The following MTUS2 variants were observed in gnomAD, a reference collection of about 807,000 sequenced individuals.
MTUS2 encodes the protein microtubule-associated tumor suppressor candidate 2.
A neutral mutation model predicts 114.1 loss-of-function variants in MTUS2; 40 were observed. The ratio of observed to expected loss-of-function variants is 0.35; its 90% CI spans 0.27 to 0.46. The LOEUF is 0.46. Ranked by LOEUF, MTUS2 falls within the 20% of genes least tolerant of loss-of-function variation. The probability of loss-of-function intolerance (pLI) is 1.00; values close to 1 mark genes in which losing one functional copy is unlikely to be tolerated. For missense variants in MTUS2, 1,679 were observed against 1,705.4 expected (o/e 0.98, Z 0.27); for synonymous variants, 688 against 672.0 (o/e 1.02, Z -0.37).
intron 5 of MTUS2, among the ~76,000 whole-genome samples, chr13:29,141,514 T>C (rs1892219191): frequency 2.6e-5 from 4 of 152,158 alleles, no homozygotes; most frequent in African/African-American, 9.7e-5. Flanking sequence ...CCCCAGGAGA[T>C]GGGTCATAGA....
chr13:29,127,520 G>T (rs1034792784), intron 5 of MTUS2, among the ~76,000 whole-genome samples: 8 of 152,190 alleles, frequency 5.3e-5, no homozygotes, highest in African/African-American at 1.9e-4. Context: ...TGAAGAGAAA[G>T]AAATTGTGCC....
chr13:29,182,603 AGAGAG>A (rs944889798), intron 5 of MTUS2, among the ~76,000 whole-genome samples: 4 of 152,214 alleles, frequency 2.6e-5, no homozygotes, highest in Admixed American at 6.5e-5. Context: ...AGGATACATC[AGAGAG>A]AAGAGAGGAA....
At chr13:29,452,570 ATATATGTGTGTGTGTGTGTGTG>A (rs1352922739) in intron 9 of MTUS2, among the ~76,000 whole-genome samples, 5 of 131,182 alleles carry the variant, frequency 3.8e-5, no homozygotes, top group African/African-American at 1.2e-4. Context: ...ATATATATAT[ATATATGTGTGTGTGTGTGTGTG>A]TGTGTGTGTG....
intron 2 of MTUS2, among the ~76,000 whole-genome samples, chr13:28,991,649 T>G (rs1191483310): frequency 6.6e-6 from 1 of 152,220 alleles, no homozygotes; most frequent in Non-Finnish European, 1.5e-5. Flanking sequence ...ATTACAGGCG[T>G]GAGCCACCGC....
chr13:28,933,770 A>G (rs1160021846), intron 2 of MTUS2, among the ~76,000 whole-genome samples: 1 of 152,218 alleles, frequency 6.6e-6, no homozygotes, highest in Non-Finnish European at 1.5e-5. Context: ...GTCATAAGGT[A>G]TTTAACTAAG....
intron 4 of MTUS2, among the ~76,000 whole-genome samples, chr13:29,058,919 T>C (rs1888276749): frequency 6.6e-6 from 1 of 152,206 alleles, no homozygotes; most frequent in Non-Finnish European, 1.5e-5. Flanking sequence ...CAGTTCACTT[T>C]GGTTCTTTCT....
intron 2 of MTUS2, among the ~76,000 whole-genome samples, chr13:28,877,801 C>T (rs141344049): frequency 4.3e-4 from 65 of 152,230 alleles, no homozygotes; most frequent in African/African-American, 1.5e-3. Flanking sequence ...CTGGTGCCAT[C>T]GTTGGTTTAC....
intron 5 of MTUS2, among the ~76,000 whole-genome samples, chr13:29,150,837 C>T (rs1010113854): frequency 6.6e-6 from 1 of 152,080 alleles, no homozygotes; most frequent in Non-Finnish European, 1.5e-5. Flanking sequence ...TGTCAAAGAT[C>T]AGTTGGTTGT....
At chr13:29,228,839 C>T (rs1052147190) in intron 5 of MTUS2, among the ~76,000 whole-genome samples, 2 of 152,062 alleles carry the variant, frequency 1.3e-5, no homozygotes, top group African/African-American at 4.8e-5. Context: ...CAAATTTTCT[C>T]CCTTCTTGTA....
chr13:28,837,589 G>A (rs1370614795), intron 1 of MTUS2, among the ~76,000 whole-genome samples: 1 of 152,168 alleles, frequency 6.6e-6, no homozygotes, highest in East Asian at 1.9e-4. Context: ...ACTTTAGCCA[G>A]TACTCCTTAA....
At chr13:29,412,785 C>T (rs549106690) in intron 8 of MTUS2, among the ~76,000 whole-genome samples, 10 of 151,930 alleles carry the variant, frequency 6.6e-5, no homozygotes, top group South Asian at 2.1e-4. Context: ...CTGGCTACTC[C>T]GGAGGCTGAG....
At chr13:29,316,089 G>A (rs1899976593) in intron 6 of MTUS2, among the ~76,000 whole-genome samples, 1 of 152,168 alleles carries the variant, frequency 6.6e-6, no homozygotes, top group South Asian at 2.1e-4. Context: ...CCTGGGGGGT[G>A]TGAGGGACAG....
chr13:29,251,292 G>GATGATAATA (rs143398382), intron 5 of MTUS2, among the ~76,000 whole-genome samples: 25 of 146,508 alleles, frequency 1.7e-4, no homozygotes, highest in South Asian at 1.5e-3. Context: ...ATGGGATGAT[G>GATGATAATA]ATAATAATAA....
intron 4 of MTUS2, among the ~76,000 whole-genome samples, chr13:29,046,153 AC>A (rs1394119607): frequency 6.8e-6 from 1 of 147,076 alleles, no homozygotes; most frequent in Non-Finnish European, 1.5e-5. Context: ...TTGCTCTGTC[AC>A]CCAGGCTGGA....
At chr13:28,946,002 T>C (rs1189126444) in intron 2 of MTUS2, among the ~76,000 whole-genome samples, 1 of 152,234 alleles carries the variant, frequency 6.6e-6, no homozygotes, top group Non-Finnish European at 1.5e-5. Flanking sequence ...ATGTATTCAG[T>C]AGTGCATTTA....
chr13:29,414,648 T>TA (rs1273524373), intron 8 of MTUS2, among the ~76,000 whole-genome samples: 1 of 151,922 alleles, frequency 6.6e-6, no homozygotes, highest in Non-Finnish European at 1.5e-5. Flanking sequence ...AAATATATCT[T>TA]ACGGTTGTTA....
Position 29,375,390 on chromosome 13 carries a change from T to C in MTUS2, c.3117+15917T>C, listed in dbSNP as rs796684667. Among the ~76,000 whole-genome samples, 78 of 129,514 alleles carry C rather than the reference T, an allele frequency of 6.0e-4. 3 individuals carry two copies. In the South Asian group the frequency reaches 0.021, roughly 34 times the overall value. The allele number at this position is 129,514 out of a possible 152,430, so 85.0% of individuals were successfully genotyped here. ...TGGCAAAAACCGCAATTACTTACTT[T>C]TAATGGCAAAAACCGCAATTACTTA... On this transcript the variant is annotated intron_variant, in intron 8 of 15. Coordinates refer to ENST00000612955, the MANE Select transcript of MTUS2 (RefSeq NM_001033602.4).
intron 4 of MTUS2, among the ~76,000 whole-genome samples, chr13:29,092,775 A>G (rs1190971424): frequency 6.6e-6 from 1 of 152,168 alleles, no homozygotes; most frequent in Non-Finnish European, 1.5e-5. Context: ...TGACAGAAAA[A>G]TCATGTATCA....
chr13:28,989,198 T>G (rs1468842487), intron 2 of MTUS2, among the ~76,000 whole-genome samples: 3 of 152,140 alleles, frequency 2.0e-5, no homozygotes. Context: ...GCTGAGAATC[T>G]GTTGATATGT....
Sources: allele counts gnomAD v4.1 joint callset (sites outside exome capture counted in the v4.1 genomes callset), GRCh38; gene constraint gnomAD v4.1.1; transcripts MANE v1.5; gene names NCBI Gene and HGNC (gene_info 2026-07-23, HGNC 2026-07-21).